The following C10orf53 variants were observed in gnomAD, a reference collection of about 807,000 sequenced individuals.
C10orf53 encodes the protein UPF0728 protein C10orf53.
In C10orf53, 8 loss-of-function variants were observed where a neutral mutation model predicts 9.4. The ratio of observed to expected loss-of-function variants is 0.85; its 90% CI spans 0.50 to 1.53. C10orf53 has a LOEUF of 1.53. C10orf53 is among the 40% of genes most tolerant of loss of function. The pLI is 0.00. For missense variants in C10orf53, 117 were observed against 117.8 expected (o/e 0.99, Z 0.03); for synonymous variants, 48 against 46.0 (o/e 1.04, Z -0.18).
exon 3 of C10orf53, chr10:49,708,447 G>T (rs1170898887): frequency 6.2e-7 from 1 of 1,614,002 alleles, no homozygotes; most frequent in Non-Finnish European, 8.5e-7. Flanking sequence ...TAGGATGAAA[G>T]TTTCTCCTTT....
intron 2 of C10orf53, among the ~76,000 whole-genome samples, chr10:49,706,748 C>CA (rs35267027): frequency 1.3e-5 from 2 of 152,002 alleles, no homozygotes; most frequent in East Asian, 1.9e-4. Context: ...ACCTAACTAC[C>CA]AAAAAACGTC....
chr10:49,699,971 G>A (rs142355951), downstream of C10orf53, among the ~76,000 whole-genome samples: 4 of 152,200 alleles, frequency 2.6e-5, no homozygotes, highest in African/African-American at 4.8e-5. Flanking sequence ...ATGGTCACAG[G>A]TCTTTGTGAG....
chr10:49,697,289 T>C lies in C10orf53; in HGVS notation c.*2687T>C, dbSNP rs146033595. Among the ~76,000 whole-genome samples, 466 of 152,300 alleles carry C rather than the reference T, an allele frequency of 3.1e-3. 1 individual carries two copies. The highest frequency in any genetic ancestry group is 6.8e-3 in the Middle Eastern group (2 of 294). On this transcript the variant is annotated 3_prime_UTR_variant, in exon 3 of 3. Coordinates refer to ENST00000374111, the MANE Select transcript of C10orf53 (RefSeq NM_001042427.3). ...GAGGAACTTTCTCTATGGAAATCTC[T>C]GAAGAATGTGCTGTCATCCTCCTCC...
intron 2 of C10orf53, chr10:49,694,281 G>A (rs1840613221): frequency 1.7e-6 from 1 of 595,976 alleles, no homozygotes. Context: ...ACACTGAGTT[G>A]ATATGCCAGC....
chr10:49,702,320 A>G (rs975877190), downstream of C10orf53, among the ~76,000 whole-genome samples: 3 of 152,036 alleles, frequency 2.0e-5, no homozygotes, highest in African/African-American at 7.3e-5. Flanking sequence ...TGACTGGGCC[A>G]TGGGGTGCCT....
At position 49,696,047 on chromosome 10, in the gene C10orf53, A is replaced by G. The variant is rs914802634; in HGVS notation, c.*1445A>G. The G allele has an allele frequency of 1.3e-5, 2 of 152,216 alleles. No individual in the cohort carries two copies. The highest frequency in any genetic ancestry group is 2.1e-4 in the South Asian group (1 of 4,822). The allele number at this position is 152,216 out of a possible 1,614,324, so 9.4% of individuals were successfully genotyped here. On this transcript the variant is annotated 3_prime_UTR_variant, in exon 3 of 3. Coordinates refer to ENST00000374111, the MANE Select transcript of C10orf53 (RefSeq NM_001042427.3). ...AGTACAACTTTAGTAACATTTTTAT[A>G]TATTTCAATTTGGGTTTCTTCTGTT...
downstream of C10orf53, among the ~76,000 whole-genome samples, chr10:49,700,478 G>C (rs1027403266): frequency 6.6e-6 from 1 of 152,170 alleles, no homozygotes; most frequent in Non-Finnish European, 1.5e-5. Flanking sequence ...TTCCCTCTGG[G>C]CCTCATGTTC....
At position 49,694,622 on chromosome 10, in the gene C10orf53, T is replaced by C. The variant is rs759169510; in HGVS notation, c.*20T>C. 2 of 1,614,156 alleles carry C rather than the reference T, an allele frequency of 1.2e-6. No homozygotes were observed. Among genetic ancestry groups the C allele is most frequent in the Non-Finnish European group, 1.7e-6 (2 of 1,179,996 alleles). On this transcript the variant is annotated 3_prime_UTR_variant, in exon 3 of 3. Transcript: ENST00000374111. The stretch of plus-strand genomic sequence containing the variant: ...TACTGATCTCCTCATGGAACAGGCA[T>C]CTCAAGTCGGCACAACAGCAGCTGC...
At chr10:49,704,540 AGACCAGCCTGACCAACATGGT>A (rs1840708998) in intron 2 of C10orf53, among the ~76,000 whole-genome samples, 1 of 152,178 alleles carries the variant, frequency 6.6e-6, no homozygotes, top group Admixed American at 6.5e-5. Flanking sequence ...CAGGAGTTTG[AGACCAGCCTGACCAACATGGT>A]GAAACCCTGT....
intron 1 of C10orf53, among the ~76,000 whole-genome samples, chr10:49,688,631 C>T (rs1840552118): frequency 7.2e-6 from 1 of 138,078 alleles, no homozygotes; most frequent in Admixed American, 7.3e-5. Context: ...CTCACCCCCT[C>T]ATCTCACCCC....
chr10:49,693,868 C>T lies in C10orf53; in HGVS notation c.192C>T (p.His64=). The change falls in exon 2 of 3, where the codon CAC becomes CAT. Residue 64 remains histidine (H), a synonymous_variant. Transcript: ENST00000374111. ...ELMVNEEVIF[H]CNIKDLEFGG... ...TGGTGAATGAAGAAGTCATCTTCCA[C>T]TGCAACATTAAGGACTTGGAGTTCG... 5.0e-6 allele frequency: 8 copies of T among 1,614,278 alleles called. No individual in the cohort carries two copies. The highest frequency in any genetic ancestry group is 6.8e-6 in the Non-Finnish European group (8 of 1,180,046).
At chr10:49,693,692 C>G (rs1840606448) in intron 1 of C10orf53, 82 bp from the exon 2 acceptor site, 1 of 1,480,398 alleles carries the variant, frequency 6.8e-7, no homozygotes, top group Non-Finnish European at 9.2e-7. Context: ...AGACAAGCTA[C>G]TGTCATCATG....
downstream of C10orf53, among the ~76,000 whole-genome samples, chr10:49,697,799 G>T (rs1481022405): frequency 3.3e-5 from 5 of 152,074 alleles, no homozygotes; most frequent in African/African-American, 9.7e-5. Flanking sequence ...ACCCACCTCG[G>T]CCTCCCAAAG....
chr10:49,686,258 A>G (rs2132876499), intron 1 of C10orf53, among the ~76,000 whole-genome samples: 1 of 152,300 alleles, frequency 6.6e-6, no homozygotes, highest in East Asian at 1.9e-4. Flanking sequence ...TACTCTTATA[A>G]TTTCTTATGC....
chr10:49,701,279 T>A (rs1228029606), downstream of C10orf53, among the ~76,000 whole-genome samples: 1 of 152,128 alleles, frequency 6.6e-6, no homozygotes, highest in Non-Finnish European at 1.5e-5. Context: ...GAGGCTGAAA[T>A]GGTCACCTGG....
chr10:49,694,891 G>C lies in C10orf53; in HGVS notation c.*289G>C, dbSNP rs761507691. Reference sequence around the variant, plus strand: ...ATTGAGCTGAAGGAAACAATAAAATGCAATCAAATAACAAGGTGCCATTCC... The same window carrying C: ...ATTGAGCTGAAGGAAACAATAAAATCCAATCAAATAACAAGGTGCCATTCC... On this transcript the variant is annotated 3_prime_UTR_variant, in exon 3 of 3. Transcript: ENST00000374111. 1 of 1,188,890 alleles carries C rather than the reference G, an allele frequency of 8.4e-7. No individual in the cohort carries two copies. 73.6% of individuals were successfully genotyped at this position (1,188,890 alleles called of 1,614,324 possible).
At chr10:49,702,420 A>T (rs567462496), downstream of C10orf53, among the ~76,000 whole-genome samples, 4 of 152,244 alleles carry the variant, frequency 2.6e-5, no homozygotes, top group African/African-American at 9.6e-5. Context: ...AATAAAGCAG[A>T]TTCCACCCCC....
chr10:49,699,902 G>C (rs35307820), downstream of C10orf53, among the ~76,000 whole-genome samples: 86,426 of 151,672 alleles, frequency 0.57, 25,103 homozygotes, highest in African/African-American at 0.68. Flanking sequence ...CATCCCCCCC[G>C]AGATCAGGTT....
intron 2 of C10orf53, among the ~76,000 whole-genome samples, chr10:49,703,089 T>C (rs1840696429): frequency 6.6e-6 from 1 of 152,134 alleles, no homozygotes; most frequent in Non-Finnish European, 1.5e-5. Context: ...CTCTCGTGTC[T>C]CTTCACCATG....
Sources: allele counts gnomAD v4.1 joint callset (sites outside exome capture counted in the v4.1 genomes callset), GRCh38; gene constraint gnomAD v4.1.1; transcripts MANE v1.5; gene names NCBI Gene and HGNC (gene_info 2026-07-23, HGNC 2026-07-21).